Variants in SIN3A observed in about 807,000 individuals in gnomAD.
SIN3A encodes the protein SIN3 transcription regulator family member A.
A neutral mutation model predicts 146.1 loss-of-function variants in SIN3A; 14 were observed. The observed-to-expected ratio is 0.10, with a 90% confidence interval of 0.06 to 0.15. The LOEUF (loss-of-function observed/expected upper bound fraction) is 0.15. Ranked by LOEUF, SIN3A falls within the 10% of genes least tolerant of loss-of-function variation. SIN3A has a pLI of 1.00. For missense variants in SIN3A, 1,028 were observed against 1,576.0 expected, an observed-to-expected ratio of 0.65 and a Z score of 5.89; for synonymous variants, 572 against 572.0, an observed-to-expected ratio of 1.00 and a Z score of 0.00.
chr15:75,390,713 T>C (rs531822580), intron 15 of SIN3A, among the ~76,000 whole-genome samples: 1 of 152,212 alleles, frequency 6.6e-6, no homozygotes, highest in East Asian at 1.9e-4. Flanking sequence ...TTCTGATTTG[T>C]ATACTTTTCT....
chr15:75,405,365 T>TAA (rs57252194), intron 9 of SIN3A, among the ~76,000 whole-genome samples: 24 of 123,044 alleles, frequency 2.0e-4, no homozygotes, highest in Admixed American at 4.9e-4. Flanking sequence ...AGACTCTGTC[T>TAA]AAAAAAAAAA....
chr15:75,373,467 C>T, intron 20 of SIN3A, among the ~76,000 whole-genome samples: 1 of 152,102 alleles, frequency 6.6e-6, no homozygotes, highest in Admixed American at 6.6e-5. Context: ...AAAAACAACC[C>T]CTCCCTTCCT....
intron 2 of SIN3A, among the ~76,000 whole-genome samples, chr15:75,424,610 G>GA (rs1177314253): frequency 6.6e-6 from 1 of 152,008 alleles, no homozygotes; most frequent in Non-Finnish European, 1.5e-5. Flanking sequence ...GAGTAGCTGG[G>GA]ACTACAGGCA....
chr15:75,430,057 A>ATT, intron 2 of SIN3A, 130 bp downstream of exon 2: 4 of 572,424 alleles, frequency 7.0e-6, no homozygotes, highest in South Asian at 4.9e-5. Context: ...GTACACAGTT[A>ATT]TTTTTTTTTT....
chr15:75,404,485 G>A (rs1396472783), intron 9 of SIN3A, among the ~76,000 whole-genome samples: 1 of 152,194 alleles, frequency 6.6e-6, no homozygotes, highest in Non-Finnish European at 1.5e-5. Context: ...ACAGGACTGG[G>A]TGCAGTGGCT....
At position 75,402,112 on chromosome 15, in the gene SIN3A, A is replaced by T. The variant is rs186689758; in HGVS notation, c.1408-142T>A. 1.5e-3 allele frequency: 910 copies of T among 625,120 alleles called. 2 individuals carry two copies. Among genetic ancestry groups the T allele is most frequent in the Non-Finnish European group, 2.2e-3 (764 of 353,354 alleles). 38.7% of individuals were successfully genotyped at this position (625,120 alleles called of 1,614,324 possible). On this transcript the variant is annotated intron_variant, in intron 9 of 20. Transcript: ENST00000394947. ...GCCTCCCATCCTCAGCCTCCCAAGT[A>T]GCTGGGACTACAGGTGTGAGCCACC...
intron 1 of SIN3A, among the ~76,000 whole-genome samples, chr15:75,443,344 T>C (rs1431761269): frequency 6.6e-6 from 1 of 152,192 alleles, no homozygotes; most frequent in Non-Finnish European, 1.5e-5. Context: ...CATGTACTCC[T>C]TCACCTAGAT....
rs12592073 is a variant in SIN3A at position 75,410,316 on chromosome 15, T to C, written c.1009-30A>G. 9,734 of 1,608,046 alleles carry C rather than the reference T, an allele frequency of 6.1e-3. 337 individuals carry two copies. The East Asian group carries it at 0.11, about 17-fold the overall frequency. On this transcript the variant is annotated intron_variant, in intron 6 of 20. Coordinates refer to ENST00000394947, the MANE Select transcript of SIN3A (RefSeq NM_001145358.2). ...GGAATTGCAAATGAAAAGAGATCAT[T>C]TGGGCTACTGTTTTGAGTCACTCAT...
intron 3 of SIN3A, chr15:75,421,720 A>G (rs2073842595): frequency 1.3e-5 from 2 of 152,244 alleles, no homozygotes; most frequent in African/African-American, 4.8e-5. Context: ...GAGTTCCTCC[A>G]TTTATTATTT....
intron 9 of SIN3A, 43 bp from the exon 10 acceptor site, chr15:75,402,013 A>C (rs371303321): frequency 7.6e-7 from 1 of 1,313,998 alleles, no homozygotes; most frequent in Admixed American, 1.7e-5. Context: ...TGTTTTTCTT[A>C]AAGTGGGGAA....
upstream of SIN3A, chr15:75,455,811 T>G (rs915921349): frequency 1.3e-5 from 2 of 152,244 alleles, no homozygotes; most frequent in Non-Finnish European, 2.9e-5. Context: ...CGAGGAGTCC[T>G]GAATGGGGGG....
intron 6 of SIN3A, among the ~76,000 whole-genome samples, chr15:75,410,607 C>A (rs528312475): frequency 3.3e-4 from 50 of 151,860 alleles, no homozygotes; most frequent in Non-Finnish European, 6.3e-4. Context: ...CGGCCTAGGG[C>A]AATAAATATT....
intron 8 of SIN3A, among the ~76,000 whole-genome samples, chr15:75,407,649 T>C (rs1467311126): frequency 2.0e-5 from 3 of 151,912 alleles, no homozygotes; most frequent in Admixed American, 2.0e-4. Context: ...TCCCAGCACT[T>C]TGGGAGGCCA....
In SIN3A at chr15:75,384,251, G is replaced by C; in HGVS notation, c.3195+13C>G. ...TCACCAGCAAGGTCTTCGACTACCT[G>C]ACCAACTCTCACCTTAAAGCAATTC... is the stretch of plus-strand genomic sequence containing the variant. On this transcript the variant is annotated intron_variant, in intron 17 of 20. Transcript: ENST00000394947. 1 of 1,594,116 alleles carries C rather than the reference G, an allele frequency of 6.3e-7. No homozygotes were observed. The highest frequency in any genetic ancestry group is 8.6e-7 in the Non-Finnish European group (1 of 1,168,956).
intron 1 of SIN3A, among the ~76,000 whole-genome samples, chr15:75,435,858 T>C (rs964517717): frequency 3.9e-5 from 6 of 152,008 alleles, no homozygotes; most frequent in Non-Finnish European, 7.4e-5. Context: ...GGCACAGTGA[T>C]TCATGCCTGT....
intron 2 of SIN3A, among the ~76,000 whole-genome samples, chr15:75,424,233 G>A (rs980913318): frequency 1.3e-5 from 2 of 151,986 alleles, no homozygotes; most frequent in South Asian, 2.1e-4. Context: ...GGGAGTTCTC[G>A]AGACCAGCCT....
chr15:75,398,477 A>C (rs1157078253), intron 12 of SIN3A, among the ~76,000 whole-genome samples: 1 of 151,986 alleles, frequency 6.6e-6, no homozygotes, highest in Non-Finnish European at 1.5e-5. Flanking sequence ...GGAGTTCAAG[A>C]CCAGCCTGGT....
intron 2 of SIN3A, 43 bp from the exon 3 acceptor site, chr15:75,422,866 C>T: frequency 1.3e-6 from 2 of 1,567,202 alleles, no homozygotes; most frequent in Non-Finnish European, 1.7e-6. Flanking sequence ...AAGGCTTGTA[C>T]ATTCTTCCCC....
chr15:75,382,832 C>T (rs375934644), intron 17 of SIN3A, among the ~76,000 whole-genome samples: 42 of 152,212 alleles, frequency 2.8e-4, no homozygotes, highest in African/African-American at 9.4e-4. Flanking sequence ...CCTGTAATCC[C>T]AGCACTTTGG....
Sources: allele counts gnomAD v4.1 joint callset (sites outside exome capture counted in the v4.1 genomes callset), GRCh38; gene constraint gnomAD v4.1.1; transcripts MANE v1.5; gene names NCBI Gene and HGNC (gene_info 2026-07-23, HGNC 2026-07-21).